ZNF654: variants seen among roughly 807,000 people sequenced by gnomAD.
ZNF654 encodes zinc finger protein 654, also known as melanoma-associated antigen.
Under a neutral mutation model 95.3 loss-of-function variants are expected in ZNF654, and 19 were observed. The ratio of observed to expected loss-of-function variants is 0.20; its 90% CI spans 0.14 to 0.29. The LOEUF is 0.29. Among genes scored for constraint, ZNF654 ranks in the 10% least tolerant of loss-of-function variants. The pLI is 1.00. For missense variants in ZNF654, 1,046 were observed against 1,341.0 expected (o/e 0.78, Z 3.44); for synonymous variants, 413 against 457.9 (o/e 0.90, Z 1.25).
intron 1 of ZNF654, among the ~76,000 whole-genome samples, chr3:88,069,221 A>T (rs1238804789): frequency 6.6e-6 from 1 of 152,186 alleles, no homozygotes; most frequent in African/African-American, 2.4e-5. Flanking sequence ...CAGGAGCTCA[A>T]GACCAGCCTG....
chr3:88,095,322 T>G (rs1703992324), intron 2 of ZNF654: 1 of 252,480 alleles, frequency 4.0e-6, no homozygotes, highest in Non-Finnish European at 7.6e-6. Flanking sequence ...AAGGATATGT[T>G]TAGGATAGAA....
At chr3:88,106,621 G>A (rs1406590525) in intron 2 of ZNF654, among the ~76,000 whole-genome samples, 1 of 152,178 alleles carries the variant, frequency 6.6e-6, no homozygotes, top group Admixed American at 6.6e-5. Flanking sequence ...GGGATTACAG[G>A]TGTGAGCCAC....
At position 88,126,221 on chromosome 3, in the gene ZNF654, C is replaced by G. The variant is rs1706089322; in HGVS notation, c.502C>G (p.Pro168Ala). The G allele has an allele frequency of 6.5e-7, 1 of 1,529,942 alleles. No homozygotes were observed. Among genetic ancestry groups the G allele is most frequent in the African/African-American group, 1.4e-5 (1 of 72,952 alleles). 94.8% of individuals were successfully genotyped at this position (1,529,942 alleles called of 1,614,324 possible). ...TAGAGATGGTGGCCCATGGGAAGAT[C>G]CAGTGTTGCAAGCTGTCCTTAAAGC... ...IIRDGGPWEDPVLQAVLKAQP... is the reference protein window; with the variant it reads ...IIRDGGPWEDAVLQAVLKAQP... Residue 168 changes from proline to alanine, a missense_variant, in exon 4 of 9, where the codon CCA becomes GCA. Around this residue, in one of 9 missense-constraint regions of ZNF654, gnomAD observed 91 missense variants for 190.5 expected, o/e 0.48. Transcript: ENST00000636215.
chr3:88,061,882 C>T (rs1655948069), intron 1 of ZNF654, among the ~76,000 whole-genome samples: 3 of 152,110 alleles, frequency 2.0e-5, no homozygotes, highest in Admixed American at 6.6e-5. Flanking sequence ...TAACTAAGTA[C>T]ATGAATTATA....
chr3:88,059,825 A>G (rs150212390), intron 1 of ZNF654, among the ~76,000 whole-genome samples: 311 of 152,174 alleles, frequency 2.0e-3, no homozygotes, highest in Non-Finnish European at 3.6e-3. Flanking sequence ...CCTGCCCGAG[A>G]GTCCCGCCTT....
intron 1 of ZNF654, among the ~76,000 whole-genome samples, chr3:88,080,286 A>G (rs2107643155): frequency 6.6e-6 from 1 of 152,230 alleles, no homozygotes; most frequent in East Asian, 1.9e-4. Flanking sequence ...AACATAATGA[A>G]CCAGTTCATA....
At chr3:88,062,877 C>T (rs74873297) in intron 1 of ZNF654, among the ~76,000 whole-genome samples, 63 of 152,216 alleles carry the variant, frequency 4.1e-4, no homozygotes, top group Admixed American at 8.5e-4. Context: ...ATATTTCTCT[C>T]GTAAAATCCT....
chr3:88,111,546 T>G (rs974138019), intron 2 of ZNF654, among the ~76,000 whole-genome samples: 1 of 152,018 alleles, frequency 6.6e-6, no homozygotes, highest in African/African-American at 2.4e-5. Flanking sequence ...TCCGTTAATA[T>G]TTGTATTATA....
intron 1 of ZNF654, among the ~76,000 whole-genome samples, chr3:88,065,940 C>G (rs1707173504): frequency 6.6e-6 from 1 of 152,136 alleles, no homozygotes; most frequent in Admixed American, 6.6e-5. Flanking sequence ...TTACCATGAT[C>G]TGCAGGCTGG....
intron 1 of ZNF654, among the ~76,000 whole-genome samples, chr3:88,082,346 C>T (rs1246613083): frequency 3.9e-5 from 6 of 152,146 alleles, no homozygotes; most frequent in East Asian, 1.9e-4. Flanking sequence ...AGGATGGTCT[C>T]GATCTCTTGA....
chr3:88,102,058 C>T (rs938922842), intron 2 of ZNF654, among the ~76,000 whole-genome samples: 5 of 151,914 alleles, frequency 3.3e-5, no homozygotes, highest in Non-Finnish European at 7.4e-5. Flanking sequence ...CACTCTTTAT[C>T]AGATATGTGA....
At chr3:88,088,748 GTATGTATGTA>G (rs1708470420) in intron 2 of ZNF654, among the ~76,000 whole-genome samples, 1 of 79,638 alleles carries the variant, frequency 1.3e-5, no homozygotes, top group Non-Finnish European at 3.0e-5. Flanking sequence ...CTTTATTTAT[GTATGTATGTA>G]TGTATGGATG....
chr3:88,121,754 G>C (rs571282294), intron 3 of ZNF654, among the ~76,000 whole-genome samples: 1 of 152,096 alleles, frequency 6.6e-6, no homozygotes, highest in African/African-American at 2.4e-5. Context: ...CAAAGATTAC[G>C]TTTTTATAAT....
chr3:88,109,609 G>T (rs1171184360), intron 2 of ZNF654, among the ~76,000 whole-genome samples: 5 of 152,078 alleles, frequency 3.3e-5, no homozygotes, highest in Non-Finnish European at 5.9e-5. Flanking sequence ...AAGAGTAAGG[G>T]TTAGCAGAAG....
At chr3:88,130,065 A>T (rs1425110226) in intron 6 of ZNF654, among the ~76,000 whole-genome samples, 1 of 152,224 alleles carries the variant, frequency 6.6e-6, no homozygotes, top group Admixed American at 6.5e-5. Context: ...CAGTGGTTTG[A>T]AATTAAATTT....
chr3:88,094,200 G>C (rs1456792365), intron 2 of ZNF654, among the ~76,000 whole-genome samples: 1 of 150,260 alleles, frequency 6.7e-6, no homozygotes, highest in Non-Finnish European at 1.5e-5. Flanking sequence ...AGAGTATTTT[G>C]TTTATAGGAT....
intron 2 of ZNF654, among the ~76,000 whole-genome samples, chr3:88,086,975 G>A (rs1442717019): frequency 2.0e-5 from 3 of 152,090 alleles, no homozygotes; most frequent in African/African-American, 7.2e-5. Context: ...GTAGAGATGG[G>A]GTTTCACCAT....
At chr3:88,098,817 G>A (rs1490529271) in intron 2 of ZNF654, among the ~76,000 whole-genome samples, 1 of 152,090 alleles carries the variant, frequency 6.6e-6, no homozygotes, top group Non-Finnish European at 1.5e-5. Context: ...AATAAATTAG[G>A]TATTGATGGG....
intron 3 of ZNF654, among the ~76,000 whole-genome samples, chr3:88,114,197 G>A (rs991387557): frequency 3.3e-5 from 5 of 152,088 alleles, no homozygotes; most frequent in African/African-American, 1.2e-4. Context: ...ATGAAAAATT[G>A]ACAGATTCCT....
Sources: allele counts gnomAD v4.1 joint callset (sites outside exome capture counted in the v4.1 genomes callset), GRCh38; gene constraint gnomAD v4.1.1; regional missense constraint gnomAD v4.1.1; transcripts MANE v1.5; gene names NCBI Gene and HGNC (gene_info 2026-07-23, HGNC 2026-07-21).